MCTP1: variants seen among roughly 807,000 people sequenced by gnomAD.
MCTP1 encodes the protein multiple C2 and transmembrane domain-containing protein 1.
A neutral mutation model predicts 120.6 loss-of-function variants in MCTP1; 69 were observed. The ratio of observed to expected loss-of-function variants is 0.57; its 90% CI spans 0.47 to 0.70. The LOEUF is 0.70. MCTP1 is among the 30% of genes least tolerant of loss of function. MCTP1 has a pLI of 0.00. For missense variants in MCTP1, 1,203 were observed against 1,248.8 expected, an observed-to-expected ratio of 0.96 and a Z score of 0.55; for synonymous variants, 529 against 493.1, an observed-to-expected ratio of 1.07 and a Z score of -0.96.
intron 1 of MCTP1, among the ~76,000 whole-genome samples, chr5:95,242,310 C>T (rs889630386): frequency 2.0e-5 from 3 of 152,008 alleles, no homozygotes; most frequent in Non-Finnish European, 4.4e-5. Flanking sequence ...CAAACTCAGT[C>T]ATTTGGAAAT....
chr5:94,840,321 C>G (rs1038350940), intron 17 of MCTP1, among the ~76,000 whole-genome samples: 3 of 152,194 alleles, frequency 2.0e-5, no homozygotes, highest in African/African-American at 7.2e-5. Flanking sequence ...ACTGAGAAGA[C>G]TGAGATATGC....
At chr5:95,063,856 T>G (rs1749911189) in intron 1 of MCTP1, among the ~76,000 whole-genome samples, 1 of 152,050 alleles carries the variant, frequency 6.6e-6, no homozygotes, top group Non-Finnish European at 1.5e-5. Flanking sequence ...ACCCCTAGAG[T>G]CCTCTAAAGT....
chr5:95,123,157 G>A (rs534860265), intron 1 of MCTP1, among the ~76,000 whole-genome samples: 8 of 152,242 alleles, frequency 5.3e-5, no homozygotes, highest in Admixed American at 2.6e-4. Context: ...AAATGCTTGA[G>A]GTGATGAATA....
chr5:94,804,525 G>A (rs1781881514), intron 17 of MCTP1, among the ~76,000 whole-genome samples: 1 of 152,000 alleles, frequency 6.6e-6, no homozygotes, highest in Non-Finnish European at 1.5e-5. Flanking sequence ...TGCAAGCTCT[G>A]CCTCCCAGGT....
chr5:95,055,066 G>T (rs1399544316), intron 1 of MCTP1, among the ~76,000 whole-genome samples: 1 of 152,090 alleles, frequency 6.6e-6, no homozygotes, highest in African/African-American at 2.4e-5. Flanking sequence ...CTGCCTCAGC[G>T]GCTATAATAC....
intron 17 of MCTP1, among the ~76,000 whole-genome samples, chr5:94,846,597 C>T (rs367680058): frequency 6.6e-6 from 1 of 152,090 alleles, no homozygotes; most frequent in Admixed American, 6.6e-5. Context: ...ATACCAAAAC[C>T]CTGTGACATG....
chr5:95,235,322 A>G (rs527874274), intron 1 of MCTP1, among the ~76,000 whole-genome samples: 4 of 151,830 alleles, frequency 2.6e-5, no homozygotes, highest in Non-Finnish European at 5.9e-5. Flanking sequence ...CCCTCAATTT[A>G]ATAAAAGACA....
At chr5:95,022,202 CA>C (rs1289233506) in intron 1 of MCTP1, among the ~76,000 whole-genome samples, 1 of 152,270 alleles carries the variant, frequency 6.6e-6, no homozygotes, top group East Asian at 1.9e-4. Flanking sequence ...GGTGCAAAAG[CA>C]ATTGTGGTTT....
intron 1 of MCTP1, among the ~76,000 whole-genome samples, chr5:95,020,111 A>G (rs1012245703): frequency 3.3e-5 from 5 of 152,074 alleles, no homozygotes; most frequent in South Asian, 2.1e-4. Flanking sequence ...AGAATTTTCT[A>G]CATGCCCTGC....
intron 1 of MCTP1, among the ~76,000 whole-genome samples, chr5:95,258,239 A>T (rs1286955755): frequency 6.6e-6 from 1 of 152,194 alleles, no homozygotes; most frequent in Admixed American, 6.5e-5. Flanking sequence ...CAACATTAAC[A>T]GTGATAAGTC....
intron 1 of MCTP1, among the ~76,000 whole-genome samples, chr5:95,182,517 A>G (rs1292219888): frequency 6.6e-6 from 1 of 152,148 alleles, no homozygotes; most frequent in Non-Finnish European, 1.5e-5. Flanking sequence ...TCATTTTCTT[A>G]TACTTTCATA....
intron 1 of MCTP1, among the ~76,000 whole-genome samples, chr5:95,205,904 G>A (rs964241234): frequency 2.6e-4 from 40 of 151,966 alleles, no homozygotes; most frequent in Admixed American, 6.6e-5. Context: ...ACAAGGATGT[G>A]GAAAAACTAG....
At chr5:94,743,486 G>C (rs757286595) in intron 19 of MCTP1, among the ~76,000 whole-genome samples, 2 of 152,138 alleles carry the variant, frequency 1.3e-5, no homozygotes, top group Non-Finnish European at 2.9e-5. Flanking sequence ...GGAGCTATCC[G>C]ACACAAACGG....
At chr5:95,092,561 A>C (rs1456411869) in intron 1 of MCTP1, among the ~76,000 whole-genome samples, 1 of 152,212 alleles carries the variant, frequency 6.6e-6, no homozygotes, top group Non-Finnish European at 1.5e-5. Context: ...TGAATGTTTG[A>C]GGTGACGGAT....
intron 10 of MCTP1, among the ~76,000 whole-genome samples, chr5:94,897,243 T>C (rs1804266114): frequency 6.6e-6 from 1 of 151,092 alleles, no homozygotes; most frequent in Admixed American, 6.6e-5. Context: ...TTTTTTTTTT[T>C]TTGTATTTTT....
chr5:94,907,494 C>G (rs572774080), intron 10 of MCTP1, among the ~76,000 whole-genome samples: 1 of 152,254 alleles, frequency 6.6e-6, no homozygotes, highest in South Asian at 2.1e-4. Context: ...ATAGACTTCT[C>G]TTTTTCAAGC....
intron 18 of MCTP1, among the ~76,000 whole-genome samples, chr5:94,782,930 A>G (rs1218822317): frequency 2.6e-5 from 4 of 152,128 alleles, no homozygotes; most frequent in African/African-American, 2.4e-5. Flanking sequence ...GATCGGCTCT[A>G]GAATTCTCTT....
chr5:94,747,710 C>T (rs932235956), intron 19 of MCTP1, among the ~76,000 whole-genome samples: 4 of 151,764 alleles, frequency 2.6e-5, no homozygotes, highest in Non-Finnish European at 4.4e-5. Context: ...GATCTAGAAT[C>T]GAGGTCTTCT....
intron 19 of MCTP1, among the ~76,000 whole-genome samples, chr5:94,717,507 G>C (rs1759772453): frequency 6.6e-6 from 1 of 152,092 alleles, no homozygotes; most frequent in African/African-American, 2.4e-5. Flanking sequence ...ACATAGTATT[G>C]GAAGTTCTGG....
Sources: allele counts gnomAD v4.1 joint callset (sites outside exome capture counted in the v4.1 genomes callset), GRCh38; gene constraint gnomAD v4.1.1; transcripts MANE v1.5; gene names NCBI Gene and HGNC (gene_info 2026-07-23, HGNC 2026-07-21).